The following EEA1 variants were observed in gnomAD, a reference collection of about 807,000 sequenced individuals.
EEA1 encodes early endosome antigen 1.
EEA1 carries 111 observed loss-of-function variants against 209.2 expected under a neutral mutation model. That is an observed-to-expected ratio of 0.53 (90% confidence interval 0.45 to 0.62). The LOEUF (loss-of-function observed/expected upper bound fraction) is 0.62. Ranked by LOEUF, EEA1 falls within the 20% of genes least tolerant of loss-of-function variation. The pLI is 0.00. For synonymous variants in EEA1, 536 were observed against 540.6 expected, an observed-to-expected ratio of 0.99 and a Z score of 0.12; for missense variants, 1,343 against 1,530.8, an observed-to-expected ratio of 0.88 and a Z score of 2.05.
chr12:92,792,758 G>C (rs1874469550), intron 21 of EEA1, among the ~76,000 whole-genome samples: 1 of 152,074 alleles, frequency 6.6e-6, no homozygotes, highest in African/African-American at 2.4e-5. Context: ...AGAAAAAGAG[G>C]GAATCCTTCC....
intron 11 of EEA1, among the ~76,000 whole-genome samples, chr12:92,830,878 G>A (rs1288602688): frequency 6.6e-6 from 1 of 152,172 alleles, no homozygotes; most frequent in Non-Finnish European, 1.5e-5. Context: ...GAATCAATTT[G>A]TCAGGGGCAA....
intron 1 of EEA1, 115 bp downstream of exon 1, chr12:92,928,928 G>C: frequency 8.7e-7 from 1 of 1,149,532 alleles, no homozygotes; most frequent in Non-Finnish European, 1.2e-6. Flanking sequence ...CGCCTGCCGG[G>C]CTGTGGGGCC....
intron 2 of EEA1, among the ~76,000 whole-genome samples, chr12:92,876,293 T>C (rs1311214895): frequency 1.3e-5 from 2 of 151,818 alleles, no homozygotes; most frequent in Non-Finnish European, 2.9e-5. Context: ...TCCAGGCTGG[T>C]CTTAGGCGAT....
chr12:92,879,573 G>C (rs575341213), intron 2 of EEA1, among the ~76,000 whole-genome samples: 2 of 149,824 alleles, frequency 1.3e-5, no homozygotes, highest in African/African-American at 2.4e-5. Context: ...GAGAGGGAGG[G>C]AGGGAAGGGG....
intron 22 of EEA1, among the ~76,000 whole-genome samples, chr12:92,784,597 A>G (rs1016657923): frequency 6.6e-6 from 1 of 152,144 alleles, no homozygotes; most frequent in Non-Finnish European, 1.5e-5. Flanking sequence ...CCAGTGACTG[A>G]TTTTTTAAAG....
intron 1 of EEA1, among the ~76,000 whole-genome samples, chr12:92,922,732 C>T (rs1226499733): frequency 2.0e-5 from 3 of 151,816 alleles, no homozygotes; most frequent in African/African-American, 4.8e-5. Flanking sequence ...GCGGGCGGAT[C>T]GCCTGAGGTC....
At position 92,809,013 on chromosome 12, in the gene EEA1, T is replaced by C; in HGVS notation, c.2339+4A>G. 2 of 1,586,652 alleles carry C rather than the reference T, an allele frequency of 1.3e-6. No homozygotes were observed. The highest frequency in any genetic ancestry group is 1.7e-6 in the Non-Finnish European group (2 of 1,168,254). ...TAATTTGTAAGTAAAGTGGTTTAGC[T>C]TACATTTCCTTCTCCATTTCAAGTT... On this transcript the variant is annotated splice_donor_region_variant and intron_variant, in intron 18 of 28. Coordinates refer to ENST00000322349, the MANE Select transcript of EEA1 (RefSeq NM_003566.4).
At chr12:92,841,669 A>C (rs1015272796) in intron 10 of EEA1, among the ~76,000 whole-genome samples, 1 of 152,220 alleles carries the variant, frequency 6.6e-6, no homozygotes, top group South Asian at 2.1e-4. Flanking sequence ...TCAAAGCCAC[A>C]ATGAGATACC....
chr12:92,910,625 T>A (rs974773416), intron 1 of EEA1, among the ~76,000 whole-genome samples: 1 of 152,040 alleles, frequency 6.6e-6, no homozygotes, highest in African/African-American at 2.4e-5. Context: ...AAGAAAGAAT[T>A]AATAAGCTGG....
At position 92,773,622 on chromosome 12, in the gene EEA1, T is replaced by C. The variant is rs1389817097; in HGVS notation, c.*2389A>G. On this transcript the variant is annotated 3_prime_UTR_variant, in exon 29 of 29. Transcript: ENST00000322349. Reference sequence around the variant, plus strand: ...TACTAACATTATGTCAATGTGCTTTTCATTAAAGCCAAGAGCTGTACATGC... The same window carrying C: ...TACTAACATTATGTCAATGTGCTTTCCATTAAAGCCAAGAGCTGTACATGC... The C allele has an allele frequency of 1.3e-5, 2 of 151,784 alleles. No homozygotes were observed. The highest frequency in any genetic ancestry group is 1.3e-4 in the Admixed American group (2 of 15,212). 9.4% of individuals were successfully genotyped at this position (151,784 alleles called of 1,614,324 possible).
chr12:92,872,507 C>T (rs537482258), intron 2 of EEA1, among the ~76,000 whole-genome samples: 13 of 152,284 alleles, frequency 8.5e-5, no homozygotes, highest in African/African-American at 3.1e-4. Flanking sequence ...CCCATAATTC[C>T]CAGCAGATGA....
At position 92,863,826 on chromosome 12, in the gene EEA1, G is replaced by C. The variant is rs184700929; in HGVS notation, c.245+1034C>G. Among the ~76,000 whole-genome samples the C allele has an allele frequency of 2.6e-3, 392 of 152,286 alleles. 3 individuals carry two copies. Among genetic ancestry groups the C allele is most frequent in the African/African-American group, 8.7e-3 (363 of 41,556 alleles). On this transcript the variant is annotated intron_variant, in intron 3 of 28. Transcript: ENST00000322349. The stretch of plus-strand genomic sequence containing the variant: ...ACTAAAACACTAAATGAAAAGTTAA[G>C]AAGAACAAGGGTAGACCGTGGATGC...
chr12:92,822,141 G>C (rs1168169501), intron 13 of EEA1, among the ~76,000 whole-genome samples: 1 of 151,764 alleles, frequency 6.6e-6, no homozygotes, highest in African/African-American at 2.4e-5. Flanking sequence ...TTACCTCGTA[G>C]CTTCTTAACA....
At position 92,789,569 on chromosome 12, in the gene EEA1, AG is replaced by A. The variant is rs1180710636; in HGVS notation, c.2968-1521del. ...TGTTACTTCTGAGCCTGGCTCGGAG[AG>A]GGGGGTCTGCCATTGCTGAGGCTTG... On this transcript the variant is annotated intron_variant, in intron 21 of 28. Transcript: ENST00000322349. 2.0e-5 allele frequency among the ~76,000 whole-genome samples: 3 copies of A among 151,952 alleles called. 1 individual carries two copies. Among genetic ancestry groups the A allele is most frequent in the Non-Finnish European group, 4.4e-5 (3 of 67,976 alleles).
At chr12:92,883,697 C>T (rs1025305768) in intron 2 of EEA1, 9 of 766,670 alleles carry the variant, frequency 1.2e-5, no homozygotes, top group Non-Finnish European at 2.0e-5. Flanking sequence ...CAGTGAGACA[C>T]GTTCATCAGC....
Position 92,832,689 on chromosome 12 carries a change from T to C in EEA1, c.1077A>G (p.Ser359=), listed in dbSNP as rs1297509531. 1.2e-6 allele frequency: 2 copies of C among 1,614,028 alleles called. No individual in the cohort carries two copies. Among genetic ancestry groups the C allele is most frequent in the East Asian group, 2.2e-5 (1 of 44,828 alleles). The change falls in exon 11 of 29, where the codon TCA becomes TCG. Residue 359 remains serine (S), a synonymous_variant. Coordinates refer to ENST00000322349, the MANE Select transcript of EEA1 (RefSeq NM_003566.4). ...LQSRLSASET[S]LHRIHVELSE... The stretch of plus-strand genomic sequence containing the variant: ...TTAGTTCTACATGTATTCTATGCAG[T>C]GAGGTTTCAGATGCAGACAATCTTG...
chr12:92,920,999 T>G (rs1394389009), intron 1 of EEA1, among the ~76,000 whole-genome samples: 1 of 150,900 alleles, frequency 6.6e-6, no homozygotes, highest in East Asian at 1.9e-4. Flanking sequence ...CATGAAAAAA[T>G]GCTCATCATC....
chr12:92,925,786 A>C (rs1189362939), intron 1 of EEA1, among the ~76,000 whole-genome samples: 4 of 152,218 alleles, frequency 2.6e-5, no homozygotes, highest in African/African-American at 9.6e-5. Context: ...GAGGAGGGAC[A>C]AAAGCAGGAG....
chr12:92,779,391 C>A, intron 24 of EEA1, 91 bp from the exon 25 acceptor site: 2 of 1,182,280 alleles, frequency 1.7e-6, no homozygotes, highest in Admixed American at 3.3e-5. Flanking sequence ...CACAATAGAT[C>A]AAATATAGGT....
Sources: allele counts gnomAD v4.1 joint callset (sites outside exome capture counted in the v4.1 genomes callset), GRCh38; gene constraint gnomAD v4.1.1; transcripts MANE v1.5; gene names NCBI Gene and HGNC (gene_info 2026-07-23, HGNC 2026-07-21).